The following LIMS1 variants were observed in gnomAD, a reference collection of about 807,000 sequenced individuals.
The protein encoded by LIMS1 is LIM zinc finger domain containing 1.
In LIMS1, 18 loss-of-function variants were observed where a neutral mutation model predicts 44.1. The ratio of observed to expected loss-of-function variants is 0.41; its 90% CI spans 0.28 to 0.61. The LOEUF (loss-of-function observed/expected upper bound fraction) is 0.61. LIMS1 is among the 20% of genes least tolerant of loss of function. The pLI, the probability that LIMS1 is intolerant of heterozygous loss-of-function variation, is 0.32. For synonymous variants in LIMS1, 93 were observed against 149.1 expected, an observed-to-expected ratio of 0.62 and a Z score of 2.74; for missense variants, 201 against 422.0, an observed-to-expected ratio of 0.48 and a Z score of 4.59.
At chr2:108,548,786 GTT>G (rs1337809535) in intron 1 of LIMS1, among the ~76,000 whole-genome samples, 1 of 152,152 alleles carries the variant, frequency 6.6e-6, no homozygotes, top group Non-Finnish European at 1.5e-5. Context: ...ACGGCGATAG[GTT>G]TTGGAATGTG....
intron 1 of LIMS1, among the ~76,000 whole-genome samples, chr2:108,620,471 A>G (rs1419694643): frequency 6.6e-6 from 1 of 152,116 alleles, no homozygotes; most frequent in African/African-American, 2.4e-5. Context: ...GTTGGGTAGC[A>G]TCACTTTGAG....
intron 1 of LIMS1, among the ~76,000 whole-genome samples, chr2:108,540,171 A>T (rs936174916): frequency 1.3e-5 from 2 of 150,452 alleles, no homozygotes; most frequent in African/African-American, 4.9e-5. Context: ...TTTTCATTTA[A>T]CAGGTGATAA....
intron 1 of LIMS1, among the ~76,000 whole-genome samples, chr2:108,600,343 G>C (rs796748699): frequency 6.6e-5 from 9 of 136,868 alleles, no homozygotes; most frequent in African/African-American, 2.5e-4. Flanking sequence ...GAGCCACCAC[G>C]CCTGGCCTTG....
intron 1 of LIMS1, among the ~76,000 whole-genome samples, chr2:108,647,355 G>A (rs1414199869): frequency 6.6e-6 from 1 of 152,168 alleles, no homozygotes; most frequent in East Asian, 1.9e-4. Context: ...TCCAGGACTG[G>A]ATGGATTCAC....
At chr2:108,574,975 A>G (rs1175607850) in intron 1 of LIMS1, among the ~76,000 whole-genome samples, 7 of 152,142 alleles carry the variant, frequency 4.6e-5, no homozygotes, top group Admixed American at 4.6e-4. Flanking sequence ...ACTAAATATC[A>G]TTTTGATTTT....
At position 108,613,986 on chromosome 2, in the gene LIMS1, G is replaced by A. The variant is rs1168990656; in HGVS notation, c.33-45619G>A. ...TGGTTGATACCAGTGTCCCCTACTC[G>A]ACTGCAGGCTCCACGAGGCCACTGA... On this transcript the variant is annotated intron_variant, in intron 1 of 9. Coordinates refer to ENST00000544547, the Ensembl canonical transcript of LIMS1. Among the ~76,000 whole-genome samples the A allele has an allele frequency of 2.0e-5, 3 of 152,002 alleles. No homozygotes were observed. In the East Asian group the frequency reaches 5.8e-4, roughly 29 times the overall value.
intron 1 of LIMS1, among the ~76,000 whole-genome samples, chr2:108,575,997 A>G (rs1436579003): frequency 6.6e-6 from 1 of 152,194 alleles, no homozygotes; most frequent in African/African-American, 2.4e-5. Context: ...AAGTCTTTCT[A>G]TACCTGGGAG....
intron 6 of LIMS1, 96 bp from the exon 7 acceptor site, chr2:108,676,505 ACTTTC>A: frequency 7.1e-7 from 1 of 1,401,024 alleles, no homozygotes; most frequent in Admixed American, 2.5e-5. Context: ...ACTGTCTCAA[ACTTTC>A]CTTCATCTTC....
rs138279047 is a variant in LIMS1 at position 108,642,241 on chromosome 2, T to G, written c.33-17364T>G. On this transcript the variant is annotated intron_variant, in intron 1 of 9. Coordinates refer to ENST00000544547, the Ensembl canonical transcript of LIMS1. ...GTATTTTAGAGGCAATTGGTTAAAA[T>G]GTCTAGTTTGGCTTTTAAATCCTAC... 3.9e-5 allele frequency among the ~76,000 whole-genome samples: 6 copies of G among 152,236 alleles called. No homozygotes were observed. In the East Asian group the frequency reaches 1.2e-3, roughly 29 times the overall value.
intron 2 of LIMS1, among the ~76,000 whole-genome samples, chr2:108,661,673 C>A (rs1032141675): frequency 3.3e-5 from 5 of 152,070 alleles, no homozygotes; most frequent in African/African-American, 4.8e-5. Flanking sequence ...GAAGAGAGGG[C>A]GTTTGCTGGT....
Position 108,560,524 on chromosome 2 carries a change from CTG to C in LIMS1, c.32+25933_32+25934del, listed in dbSNP as rs143084401. Among the ~76,000 whole-genome samples the C allele has an allele frequency of 5.0e-3, 761 of 152,160 alleles. 6 individuals carry two copies. The highest frequency in any genetic ancestry group is 0.017 in the African/African-American group (721 of 41,522). ...TTCACCAGCTGTTCCTACCCAAAGACTGTGGCAGAGCTCACTCCTTCACCTCC... is the reference window on the plus strand; with the variant it reads ...TTCACCAGCTGTTCCTACCCAAAGACTGGCAGAGCTCACTCCTTCACCTCC... On this transcript the variant is annotated intron_variant, in intron 1 of 9. Coordinates refer to ENST00000544547, the Ensembl canonical transcript of LIMS1.
chr2:108,600,933 C>CTTCTCTTCTCTTCTCTT (rs777729154), intron 1 of LIMS1, among the ~76,000 whole-genome samples: 1 of 149,482 alleles, frequency 6.7e-6, no homozygotes, highest in African/African-American at 2.5e-5. Context: ...CTTCTCTTCT[C>CTTCTCTTCTCTTCTCTT]TTTTTTCTTC....
At chr2:108,582,904 T>C (rs1195847944) in intron 1 of LIMS1, among the ~76,000 whole-genome samples, 3 of 152,226 alleles carry the variant, frequency 2.0e-5, no homozygotes, top group African/African-American at 7.2e-5. Context: ...TATGCTTTAT[T>C]TTCATAGGTG....
At chr2:108,632,305 CAT>C (rs1228524402) in intron 1 of LIMS1, among the ~76,000 whole-genome samples, 2 of 152,286 alleles carry the variant, frequency 1.3e-5, no homozygotes, top group East Asian at 1.9e-4. Flanking sequence ...GGAAGCCACA[CAT>C]GTTTGAAAAG....
intron 1 of LIMS1, among the ~76,000 whole-genome samples, chr2:108,614,286 C>T (rs1687816568): frequency 6.6e-6 from 1 of 152,222 alleles, no homozygotes; most frequent in African/African-American, 2.4e-5. Flanking sequence ...CCTGAACTTG[C>T]TCTCTCACCA....
At position 108,672,154 on chromosome 2, in the gene LIMS1, C is replaced by T. The variant is rs1479447328; in HGVS notation, c.260-171C>T. Reference sequence around the variant, plus strand: ...TGCACTCCAGCCTGGACAACAAGAGCGAAACTGTCTCAAAAAAAAAAAAAA... The same window carrying T: ...TGCACTCCAGCCTGGACAACAAGAGTGAAACTGTCTCAAAAAAAAAAAAAA... On this transcript the variant is annotated intron_variant, in intron 3 of 9. Coordinates refer to ENST00000544547, the Ensembl canonical transcript of LIMS1. 1.1e-4 allele frequency among the ~76,000 whole-genome samples: 12 copies of T among 105,158 alleles called. No individual in the cohort carries two copies. The East Asian group carries it at 2.4e-3, about 21-fold the overall frequency. The allele number at this position is 105,158 out of a possible 152,430, so 69.0% of individuals were successfully genotyped here.
chr2:108,641,142 C>G (rs1000763412), intron 1 of LIMS1, among the ~76,000 whole-genome samples: 1 of 152,112 alleles, frequency 6.6e-6, no homozygotes. Flanking sequence ...GGATGATATT[C>G]CATCTGAAAC....
At chr2:108,668,446 A>G (rs1463414298) in intron 2 of LIMS1, among the ~76,000 whole-genome samples, 1 of 152,142 alleles carries the variant, frequency 6.6e-6, no homozygotes, top group East Asian at 1.9e-4. Flanking sequence ...TAGATTCCAC[A>G]TATGAGTGAG....
intron 1 of LIMS1, among the ~76,000 whole-genome samples, chr2:108,632,845 CTG>C (rs1689008192): frequency 6.6e-6 from 1 of 152,110 alleles, no homozygotes; most frequent in South Asian, 2.1e-4. Context: ...CTTGAAAAGT[CTG>C]TTTATATAAG....
Sources: allele counts gnomAD v4.1 joint callset (sites outside exome capture counted in the v4.1 genomes callset), GRCh38; gene constraint gnomAD v4.1.1; transcripts MANE v1.5; gene names NCBI Gene and HGNC (gene_info 2026-07-23, HGNC 2026-07-21).